BICD1: variants seen among roughly 807,000 people sequenced by gnomAD.
The protein encoded by BICD1 is protein bicaudal D homolog 1.
In BICD1, 35 loss-of-function variants were observed where a neutral mutation model predicts 92.5. The observed-to-expected ratio is 0.38, with a 90% CI of 0.29 to 0.50. The LOEUF (loss-of-function observed/expected upper bound fraction) is 0.50. Among genes scored for constraint, BICD1 ranks in the 20% least tolerant of loss-of-function variants. The probability of loss-of-function intolerance (pLI) is 0.93; values close to 1 mark genes in which losing one functional copy is unlikely to be tolerated. For synonymous variants in BICD1, 429 were observed against 465.1 expected, an observed-to-expected ratio of 0.92 and a Z score of 1.00; for missense variants, 950 against 1,189.8, an observed-to-expected ratio of 0.80 and a Z score of 2.97.
intron 8 of BICD1, among the ~76,000 whole-genome samples, chr12:32,362,799 T>G (rs1939381587): frequency 6.6e-6 from 1 of 151,140 alleles, no homozygotes; most frequent in African/African-American, 2.4e-5. Context: ...AGTGGAGGCT[T>G]GTAGGACACC....
Position 32,338,890 on chromosome 12 carries a change from C to T in BICD1, c.2675C>T (p.Ser892Leu). ...RVPPDPTSTE[S>L]FLLKGPPSMS... is the part of the protein sequence containing the mutation. ...CCCCCTGATCCCACCTCCACAGAAT[C>T]ATTTCTTCTGAAGGGCCCCCCTTCC... Residue 892 changes from serine (S) to leucine (L), a missense_variant, in exon 8 of 10, where the codon TCA becomes TTA. By Grantham distance (145) the Ser-to-Leu change is moderately radical. This residue lies in a region of BICD1 where 179 missense variants were observed against 186.7 expected (regional missense o/e 0.96). Coordinates refer to ENST00000652176, the MANE Select transcript of BICD1 (RefSeq NM_001714.4). 6.2e-7 allele frequency: 1 copy of T among 1,610,324 alleles called. No homozygotes were observed. Among genetic ancestry groups the T allele is most frequent in the South Asian group, 1.1e-5 (1 of 90,126 alleles).
At chr12:32,298,279 ACCCTGGGT>A (rs1191117557) in intron 3 of BICD1, among the ~76,000 whole-genome samples, 2 of 151,320 alleles carry the variant, frequency 1.3e-5, no homozygotes, top group African/African-American at 4.9e-5. Flanking sequence ...TAAGAATATC[ACCCTGGGT>A]GCAATGGCTG....
intron 8 of BICD1, among the ~76,000 whole-genome samples, chr12:32,342,893 G>A (rs2136289356): frequency 6.6e-6 from 1 of 152,288 alleles, no homozygotes; most frequent in South Asian, 2.1e-4. Flanking sequence ...TTCAACATTA[G>A]TAGAATATTG....
intron 2 of BICD1, among the ~76,000 whole-genome samples, chr12:32,285,025 G>A (rs1947525981): frequency 6.6e-6 from 1 of 152,146 alleles, no homozygotes; most frequent in African/African-American, 2.4e-5. Context: ...GGGCTGTAAG[G>A]AAATGCTCAG....
chr12:32,348,234 A>G (rs1938703236), intron 8 of BICD1, among the ~76,000 whole-genome samples: 1 of 152,230 alleles, frequency 6.6e-6, no homozygotes, highest in African/African-American at 2.4e-5. Flanking sequence ...TGATGAAAGG[A>G]TGAAACTTTT....
At chr12:32,256,184 G>T (rs1372377695) in intron 2 of BICD1, among the ~76,000 whole-genome samples, 2 of 151,990 alleles carry the variant, frequency 1.3e-5, no homozygotes, top group Non-Finnish European at 2.9e-5. Context: ...TCCTGAGTAG[G>T]CAGGACTACA....
At chr12:32,314,741 G>T in intron 4 of BICD1, among the ~76,000 whole-genome samples, 1 of 149,806 alleles carries the variant, frequency 6.7e-6, no homozygotes. Flanking sequence ...TCTTGATGGT[G>T]TCCTTTGATG....
chr12:32,121,153 A>G (rs1942134795), intron 1 of BICD1, among the ~76,000 whole-genome samples: 2 of 151,818 alleles, frequency 1.3e-5, no homozygotes, highest in African/African-American at 4.8e-5. Context: ...TATCTTTAGT[A>G]GAGACGGGGT....
intron 2 of BICD1, among the ~76,000 whole-genome samples, chr12:32,242,775 T>G (rs543932728): frequency 1.2e-4 from 19 of 152,302 alleles, no homozygotes; most frequent in African/African-American, 4.6e-4. Flanking sequence ...TCGTTTCTTA[T>G]GAGATTCCTT....
chr12:32,226,657 G>C (rs1014807151), intron 2 of BICD1, among the ~76,000 whole-genome samples: 4 of 152,274 alleles, frequency 2.6e-5, no homozygotes, highest in Middle Eastern at 3.4e-3. Flanking sequence ...CAGGACCCAG[G>C]CTTCAGCGAC....
chr12:32,370,508 C>T (rs1939699440), intron 9 of BICD1, among the ~76,000 whole-genome samples: 1 of 152,116 alleles, frequency 6.6e-6, no homozygotes, highest in African/African-American at 2.4e-5. Context: ...ACCAAGCACC[C>T]CCAGCCCTTA....
intron 4 of BICD1, among the ~76,000 whole-genome samples, chr12:32,321,051 T>C (rs1161970091): frequency 7.2e-5 from 11 of 152,054 alleles, no homozygotes; most frequent in Non-Finnish European, 1.3e-4. Flanking sequence ...TTAGGCCAGG[T>C]ACAGTGGCTC....
chr12:32,232,204 A>G lies in BICD1; in HGVS notation c.426+15745A>G, dbSNP rs533616304. The stretch of plus-strand genomic sequence containing the variant: ...GTTGAACTAGTTTACAGTCCCACCA[A>G]CAGTGTAAAAGTGTTCCTATTTCTC... On this transcript the variant is annotated intron_variant, in intron 2 of 9. Transcript: ENST00000652176. Among the ~76,000 whole-genome samples the G allele has an allele frequency of 6.7e-5, 10 of 149,236 alleles. No homozygotes were observed. The South Asian group carries it at 1.5e-3, about 23-fold the overall frequency.
chr12:32,215,247 G>T (rs1945320376), intron 1 of BICD1, among the ~76,000 whole-genome samples: 1 of 152,036 alleles, frequency 6.6e-6, no homozygotes, highest in African/African-American at 2.4e-5. Flanking sequence ...AAAGAACCAT[G>T]TGAAAAGGCA....
rs568824738 is a variant in BICD1, at chr12:32,246,566, G to A, written c.426+30107G>A. Among the ~76,000 whole-genome samples, 5 of 152,120 alleles carry A rather than the reference G, an allele frequency of 3.3e-5. No individual in the cohort carries two copies. The East Asian group carries it at 9.7e-4, about 29-fold the overall frequency. On this transcript the variant is annotated intron_variant, in intron 2 of 9. Coordinates refer to ENST00000652176, the MANE Select transcript of BICD1 (RefSeq NM_001714.4). ...GGCAGGAGGAATGCTTGAGCCTGGG[G>A]GGTTGAGGCTGCAGTGAGCTGTGAT...
intron 9 of BICD1, among the ~76,000 whole-genome samples, chr12:32,370,880 T>C (rs1939712725): frequency 6.6e-6 from 1 of 152,178 alleles, no homozygotes; most frequent in Non-Finnish European, 1.5e-5. Context: ...TGCTGTTTTG[T>C]TTGCTTCAGA....
chr12:32,242,428 A>G (rs1446785911), intron 2 of BICD1, among the ~76,000 whole-genome samples: 2 of 151,940 alleles, frequency 1.3e-5, no homozygotes, highest in Non-Finnish European at 2.9e-5. Flanking sequence ...TAGGGAGGCC[A>G]AGGCAGGAGA....
chr12:32,189,717 G>C (rs1312599415), intron 1 of BICD1, among the ~76,000 whole-genome samples: 1 of 113,918 alleles, frequency 8.8e-6, no homozygotes, highest in Non-Finnish European at 1.8e-5. Context: ...TTTTTTTTTT[G>C]AGACAGGGTC....
intron 2 of BICD1, among the ~76,000 whole-genome samples, chr12:32,244,182 A>C (rs1481282022): frequency 6.6e-6 from 1 of 152,068 alleles, no homozygotes; most frequent in Non-Finnish European, 1.5e-5. Context: ...AATCAATACT[A>C]AGTTTCTTTT....
Sources: gnomAD v4.1 joint callset for allele counts (sites outside exome capture counted in the v4.1 genomes callset) on GRCh38, gnomAD v4.1.1 for gene constraint, gnomAD v4.1.1 regional missense constraint, MANE v1.5 for transcripts, NCBI Gene and HGNC (gene_info 2026-07-23, HGNC 2026-07-21) for gene names.